The following TNPO3 variants were observed in gnomAD, a reference collection of about 807,000 sequenced individuals.
TNPO3 encodes the protein transportin 3, also known as transportin-3.
In TNPO3, 65 loss-of-function variants were observed where a neutral mutation model predicts 122.8. That is an observed-to-expected ratio of 0.53 (90% confidence interval 0.43 to 0.65). The LOEUF (loss-of-function observed/expected upper bound fraction) is 0.65. Ranked by LOEUF, TNPO3 falls within the 30% of genes least tolerant of loss-of-function variation. The probability of loss-of-function intolerance (pLI) is 0.00; values close to 1 mark genes in which losing one functional copy is unlikely to be tolerated. For synonymous variants in TNPO3, 372 were observed against 411.2 expected, an observed-to-expected ratio of 0.90 and a Z score of 1.15; for missense variants, 850 against 1,136.7, an observed-to-expected ratio of 0.75 and a Z score of 3.63.
At chr7:128,998,688 A>G (rs1460996412) in intron 7 of TNPO3, among the ~76,000 whole-genome samples, 1 of 151,694 alleles carries the variant, frequency 6.6e-6, no homozygotes, top group African/African-American at 2.4e-5. Context: ...ACACCCAGCT[A>G]ATTTTTTAAA....
intron 1 of TNPO3, among the ~76,000 whole-genome samples, chr7:129,045,366 C>T (rs1807900611): frequency 6.6e-6 from 1 of 152,028 alleles, no homozygotes; most frequent in Non-Finnish European, 1.5e-5. Context: ...CACGGTAGCT[C>T]ATGCCTGTAA....
intron 13 of TNPO3, among the ~76,000 whole-genome samples, chr7:128,982,736 T>C (rs567500073): frequency 1.3e-5 from 2 of 152,330 alleles, no homozygotes; most frequent in South Asian, 2.1e-4. Flanking sequence ...CTTTGTAATA[T>C]ATTTTAAGCA....
chr7:129,053,494 CAAAAAAAAA>C (rs752196402), intron 1 of TNPO3, among the ~76,000 whole-genome samples: 1 of 59,504 alleles, frequency 1.7e-5, no homozygotes, highest in Non-Finnish European at 3.9e-5. Context: ...GACTCTGTCT[CAAAAAAAAA>C]AAAAAAAAAA....
At chr7:128,992,299 C>G (rs1800829190) in intron 9 of TNPO3, among the ~76,000 whole-genome samples, 1 of 151,932 alleles carries the variant, frequency 6.6e-6, no homozygotes, top group South Asian at 2.1e-4. Context: ...CCATTTAGAC[C>G]CGCAAGAGTT....
At chr7:128,989,059 AGAGC>A (rs1160073013) in intron 11 of TNPO3, among the ~76,000 whole-genome samples, 2 of 152,206 alleles carry the variant, frequency 1.3e-5, no homozygotes, top group Non-Finnish European at 2.9e-5. Context: ...CCTGGGCAAC[AGAGC>A]GAGACTCTAT....
At chr7:129,035,137 G>A (rs891715587) in intron 1 of TNPO3, among the ~76,000 whole-genome samples, 14 of 151,758 alleles carry the variant, frequency 9.2e-5, no homozygotes, top group South Asian at 8.3e-4. Flanking sequence ...AGCCGGGCGC[G>A]GTGGCGGGTG....
intron 4 of TNPO3, among the ~76,000 whole-genome samples, chr7:129,010,109 C>T (rs945055602): frequency 6.6e-6 from 1 of 152,088 alleles, no homozygotes; most frequent in African/African-American, 2.4e-5. Context: ...CATAAGAATG[C>T]CAACTTATAT....
intron 1 of TNPO3, among the ~76,000 whole-genome samples, chr7:129,018,768 G>A (rs914712900): frequency 4.6e-5 from 7 of 151,970 alleles, no homozygotes; most frequent in Middle Eastern, 3.2e-3. Flanking sequence ...ACCCAGGCTG[G>A]AGTGCAGTGG....
chr7:128,969,619 G>A (rs914501358), intron 20 of TNPO3, among the ~76,000 whole-genome samples: 10 of 152,210 alleles, frequency 6.6e-5, no homozygotes, highest in African/African-American at 2.2e-4. Flanking sequence ...TTATTAGATA[G>A]CTTTAAAAAA....
At chr7:128,975,985 C>T in intron 16 of TNPO3, 50 bp from the exon 17 acceptor site, 1 of 1,307,984 alleles carries the variant, frequency 7.6e-7, no homozygotes, top group South Asian at 1.2e-5. Flanking sequence ...TCAAAAAGTA[C>T]CAACTTACGA....
At chr7:129,048,375 C>G (rs1480506892) in intron 1 of TNPO3, among the ~76,000 whole-genome samples, 1 of 151,932 alleles carries the variant, frequency 6.6e-6, no homozygotes, top group African/African-American at 2.4e-5. Context: ...ACTAAAAATA[C>G]AAAAATTAGC....
intron 4 of TNPO3, among the ~76,000 whole-genome samples, chr7:129,008,186 C>T (rs1802789176): frequency 6.6e-6 from 1 of 151,226 alleles, no homozygotes; most frequent in Non-Finnish European, 1.5e-5. Context: ...AAGGAAAGAA[C>T]TAAGAGCCCT....
At chr7:129,031,781 C>A (rs1480974806) in intron 1 of TNPO3, among the ~76,000 whole-genome samples, 1 of 152,104 alleles carries the variant, frequency 6.6e-6, no homozygotes, top group Non-Finnish European at 1.5e-5. Flanking sequence ...AATAGTAATG[C>A]AAAAACCCTC....
intron 1 of TNPO3, among the ~76,000 whole-genome samples, chr7:129,047,494 A>G (rs754743418): frequency 6.6e-6 from 1 of 152,230 alleles, no homozygotes; most frequent in Non-Finnish European, 1.5e-5. Context: ...CCATGGCTGT[A>G]CATCTCCAAA....
intron 1 of TNPO3, among the ~76,000 whole-genome samples, chr7:129,051,411 G>A (rs1048932383): frequency 1.1e-4 from 17 of 150,498 alleles, no homozygotes; most frequent in African/African-American, 3.9e-4. Flanking sequence ...GTGCAGTAGC[G>A]AAATCATAGC....
intron 20 of TNPO3, 121 bp downstream of exon 20, chr7:128,970,027 C>T (rs898686546): frequency 5.4e-6 from 6 of 1,120,136 alleles, no homozygotes; most frequent in Non-Finnish European, 7.8e-6. Context: ...TGGCAATATG[C>T]CTAAATTTGG....
In TNPO3 at chr7:128,958,996, C is replaced by T. The variant is rs150988658; in HGVS notation, c.2712-1681G>A. 7.0e-3 allele frequency among the ~76,000 whole-genome samples: 1,067 copies of T among 152,124 alleles called. 11 individuals are homozygous for T. The highest frequency in any genetic ancestry group is 0.025 in the African/African-American group (1,024 of 41,506). On this transcript the variant is annotated intron_variant, in intron 21 of 22. Transcript: ENST00000265388. ...TCCAGGCTGGGCAACAGAGTGAGAC[C>T]CTGTCTCAAAAAAAAGAAAAAAGAA...
At chr7:129,051,071 G>A (rs1404538757) in intron 1 of TNPO3, among the ~76,000 whole-genome samples, 1 of 151,492 alleles carries the variant, frequency 6.6e-6, no homozygotes, top group Non-Finnish European at 1.5e-5. Flanking sequence ...CAAATCACCA[G>A]TCTGAACAAT....
chr7:129,024,440 TGA>T (rs1804879585), intron 1 of TNPO3, among the ~76,000 whole-genome samples: 1 of 152,196 alleles, frequency 6.6e-6, no homozygotes, highest in Non-Finnish European at 1.5e-5. Flanking sequence ...AACAAAGTTA[TGA>T]GATACAATAA....
Sources: allele counts gnomAD v4.1 joint callset (sites outside exome capture counted in the v4.1 genomes callset), GRCh38; gene constraint gnomAD v4.1.1; transcripts MANE v1.5; gene names NCBI Gene and HGNC (gene_info 2026-07-23, HGNC 2026-07-21).